MCPH1: variants seen among roughly 807,000 people sequenced by gnomAD.
The protein encoded by MCPH1 is microcephalin.
MCPH1 carries 104 observed loss-of-function variants against 84.5 expected under a neutral mutation model. The observed-to-expected ratio is 1.23, with a 90% CI of 1.05 to 1.45. MCPH1 has a LOEUF of 1.45. MCPH1 is among the 40% of genes most tolerant of loss of function. The pLI is 0.00. For missense variants in MCPH1, 1,498 were observed against 1,005.7 expected, an observed-to-expected ratio of 1.49 and a Z score of -6.62; for synonymous variants, 514 against 366.8, an observed-to-expected ratio of 1.40 and a Z score of -4.58.
chr8:6,643,048 G>C lies in MCPH1; in HGVS notation c.2507G>C (p.Ter836SerextTer2). 1 of 1,613,592 alleles carries C rather than the reference G, an allele frequency of 6.2e-7. No individual in the cohort carries two copies. The highest frequency in any genetic ancestry group is 1.3e-5 in the African/African-American group (1 of 75,032). ...CCTGAAAACTACCTATTGTCACAAT[G>C]ACAGTGACCTCACTGGCCTGTGGTG... is the stretch of plus-strand genomic sequence containing the variant. The part of the protein sequence containing the change: ...CAPENYLLSQ[*>S] Residue 836 changes from the stop codon to serine, a stop_lost, in exon 14 of 14, where the codon TGA becomes TCA. Coordinates refer to ENST00000344683, the MANE Select transcript of MCPH1 (RefSeq NM_024596.5).
At chr8:6,455,584 G>T (rs1057435845) in intron 9 of MCPH1, among the ~76,000 whole-genome samples, 5 of 152,114 alleles carry the variant, frequency 3.3e-5, no homozygotes, top group African/African-American at 1.2e-4. Flanking sequence ...CTAGGTAGGA[G>T]GTGAAGAATC....
intron 8 of MCPH1, among the ~76,000 whole-genome samples, chr8:6,454,569 A>C (rs965736998): frequency 6.6e-6 from 1 of 152,296 alleles, no homozygotes. Context: ...AGGTCTACAG[A>C]GGTTAGCATC....
At chr8:6,446,095 C>T in intron 8 of MCPH1, 6 of 975,412 alleles carry the variant, frequency 6.2e-6, no homozygotes, top group Non-Finnish European at 7.3e-6. Flanking sequence ...CATTTTTGAT[C>T]ATTTGTAACA....
chr8:6,484,543 G>T (rs189956979), intron 11 of MCPH1, among the ~76,000 whole-genome samples: 1 of 152,330 alleles, frequency 6.6e-6, no homozygotes, highest in Non-Finnish European at 1.5e-5. Context: ...AGAAATGAAA[G>T]CTTGTGTTCA....
chr8:6,459,616 T>C (rs953170598), intron 9 of MCPH1, among the ~76,000 whole-genome samples: 1 of 152,186 alleles, frequency 6.6e-6, no homozygotes, highest in African/African-American at 2.4e-5. Context: ...AACAGTAAGG[T>C]CTGGGCCTGA....
chr8:6,597,995 A>T (rs1384997183), intron 12 of MCPH1, among the ~76,000 whole-genome samples: 1 of 152,214 alleles, frequency 6.6e-6, no homozygotes, highest in Admixed American at 6.5e-5. Flanking sequence ...TGTCTGCTGA[A>T]TAAACAGCCA....
chr8:6,540,940 T>C (rs989663543), intron 12 of MCPH1, among the ~76,000 whole-genome samples: 1 of 152,234 alleles, frequency 6.6e-6, no homozygotes, highest in Admixed American at 6.5e-5. Flanking sequence ...AACATCCACC[T>C]GGGGCAAGAA....
At chr8:6,573,816 C>A (rs1385197928) in intron 12 of MCPH1, among the ~76,000 whole-genome samples, 2 of 152,158 alleles carry the variant, frequency 1.3e-5, no homozygotes, top group Non-Finnish European at 2.9e-5. Context: ...AAGAGGGGAG[C>A]CCATCCCTGA....
intron 3 of MCPH1, among the ~76,000 whole-genome samples, chr8:6,415,649 C>G (rs140224180): frequency 2.9e-4 from 44 of 152,218 alleles, no homozygotes; most frequent in African/African-American, 1.1e-3. Flanking sequence ...CCACCGTGCG[C>G]GGCCCACACA....
chr8:6,596,233 T>C (rs1828915761), intron 12 of MCPH1, among the ~76,000 whole-genome samples: 1 of 152,164 alleles, frequency 6.6e-6, no homozygotes, highest in Non-Finnish European at 1.5e-5. Context: ...CACTGTGCCT[T>C]GGACCAAGTC....
At chr8:6,427,108 G>T (rs1801172103) in intron 3 of MCPH1, among the ~76,000 whole-genome samples, 1 of 152,158 alleles carries the variant, frequency 6.6e-6, no homozygotes, top group Non-Finnish European at 1.5e-5. Context: ...ACAGTGGTAA[G>T]TATTTGTGTC....
chr8:6,492,176 G>C (rs1381964894), intron 11 of MCPH1, among the ~76,000 whole-genome samples: 1 of 152,166 alleles, frequency 6.6e-6, no homozygotes, highest in African/African-American at 2.4e-5. Context: ...ATTCTAACTG[G>C]TGTGTGATGG....
rs78764422 is a variant in MCPH1, at chr8:6,419,041, G to A, written c.233+4158G>A. Among the ~76,000 whole-genome samples the A allele has an allele frequency of 4.3e-3, 652 of 151,430 alleles. 6 individuals carry two copies. Among genetic ancestry groups the A allele is most frequent in the African/African-American group, 0.015 (627 of 41,178 alleles). On this transcript the variant is annotated intron_variant, in intron 3 of 13. Transcript: ENST00000344683. ...GCTTCGTTGTTTTGCTTTTCTTCTG[G>A]GACTCCAATTATGTTTACGTTGGGC...
At chr8:6,409,487 A>G (rs1310929582) in intron 2 of MCPH1, 117 bp downstream of exon 2, 3 of 800,906 alleles carry the variant, frequency 3.7e-6, no homozygotes, top group Non-Finnish European at 6.4e-6. Flanking sequence ...GCAATGGGTA[A>G]GCGGTGGGAG....
intron 12 of MCPH1, among the ~76,000 whole-genome samples, chr8:6,608,466 T>C (rs1377130604): frequency 6.6e-6 from 1 of 152,200 alleles, no homozygotes; most frequent in Non-Finnish European, 1.5e-5. Context: ...CCTTCAAGCT[T>C]GTTAGAACAG....
At chr8:6,527,947 G>A (rs1372898018) in intron 12 of MCPH1, among the ~76,000 whole-genome samples, 2 of 145,092 alleles carry the variant, frequency 1.4e-5, no homozygotes, top group Non-Finnish European at 1.5e-5. Context: ...CCGGGGTGGA[G>A]TGCAGTGGCA....
intron 12 of MCPH1, among the ~76,000 whole-genome samples, chr8:6,611,116 TCTCACA>T (rs1830220410): frequency 7.1e-6 from 1 of 140,616 alleles, no homozygotes; most frequent in African/African-American, 3.0e-5. Context: ...ACACACACTC[TCTCACA>T]CACACACTCA....
intron 12 of MCPH1, among the ~76,000 whole-genome samples, chr8:6,533,199 C>A (rs748046311): frequency 6.6e-6 from 1 of 152,220 alleles, no homozygotes; most frequent in Non-Finnish European, 1.5e-5. Context: ...TGGTTCTTCT[C>A]TCCCTCAGTT....
At chr8:6,410,341 C>T (rs1007328197) in intron 2 of MCPH1, among the ~76,000 whole-genome samples, 2 of 151,936 alleles carry the variant, frequency 1.3e-5, no homozygotes, top group African/African-American at 2.4e-5. Context: ...TTTTTAAAAA[C>T]TACAGAAAGT....
Sources: allele counts gnomAD v4.1 joint callset (sites outside exome capture counted in the v4.1 genomes callset), GRCh38; gene constraint gnomAD v4.1.1; transcripts MANE v1.5; gene names NCBI Gene and HGNC (gene_info 2026-07-23, HGNC 2026-07-21).